Variants in LARGE1 observed in about 807,000 individuals in gnomAD.
LARGE1 encodes xylosyl- and glucuronyltransferase LARGE1.
In LARGE1, 43 loss-of-function variants were observed where a neutral mutation model predicts 87.6. That is an observed-to-expected ratio of 0.49 (90% CI 0.38 to 0.63). The LOEUF (loss-of-function observed/expected upper bound fraction) is 0.63, where lower values mean the gene tolerates loss of function less well. Ranked by LOEUF, LARGE1 falls within the 30% of genes least tolerant of loss-of-function variation. The pLI, the probability that LARGE1 is intolerant of heterozygous loss-of-function variation, is 0.00. For synonymous variants in LARGE1, 434 were observed against 394.6 expected (o/e 1.10, Z -1.18); for missense variants, 802 against 1,000.2 (o/e 0.80, Z 2.67).
intron 1 of LARGE1, among the ~76,000 whole-genome samples, chr22:33,843,748 TA>T (rs1306032816): frequency 1.3e-5 from 2 of 152,072 alleles, no homozygotes; most frequent in Admixed American, 1.3e-4. Context: ...AAAATGGCCG[TA>T]AGAGAATATA....
the LARGE1 span, among the ~76,000 whole-genome samples, chr22:33,135,997 A>G: frequency 6.6e-6 from 1 of 152,226 alleles, no homozygotes; most frequent in East Asian, 1.9e-4. Flanking sequence ...TTGAAGTTTC[A>G]TAATAGTCCT....
At chr22:33,739,459 T>C (rs1391234468) in intron 2 of LARGE1, among the ~76,000 whole-genome samples, 1 of 152,248 alleles carries the variant, frequency 6.6e-6, no homozygotes, top group Non-Finnish European at 1.5e-5. Context: ...GCTGCGGTAC[T>C]GTCCTGGTCT....
the LARGE1 span, among the ~76,000 whole-genome samples, chr22:33,152,793 A>G: frequency 6.6e-6 from 1 of 152,098 alleles, no homozygotes. Flanking sequence ...TGGCTTTCAT[A>G]TTACACATAT....
At chr22:33,572,396 C>G in intron 5 of LARGE1, 1 of 287,196 alleles carries the variant, frequency 3.5e-6, no homozygotes, top group Non-Finnish European at 6.8e-6. Context: ...TGAGCACGAG[C>G]TTTGGAGTCT....
chr22:33,641,906 T>C (rs777610097), intron 3 of LARGE1, among the ~76,000 whole-genome samples: 3 of 152,202 alleles, frequency 2.0e-5, no homozygotes, highest in Non-Finnish European at 2.9e-5. Flanking sequence ...CTACATTTTA[T>C]TGGTGTACCT....
intron 10 of LARGE1, among the ~76,000 whole-genome samples, chr22:33,328,503 C>G (rs534642783): frequency 1.3e-5 from 2 of 151,792 alleles, no homozygotes; most frequent in Non-Finnish European, 2.9e-5. Context: ...TGCTTGAACC[C>G]GGGAGGCGGA....
chr22:33,615,671 CAAAAAA>C (rs3072281), intron 4 of LARGE1, among the ~76,000 whole-genome samples: 1 of 134,574 alleles, frequency 7.4e-6, no homozygotes, highest in East Asian at 2.2e-4. Context: ...TAAGGAAAAA[CAAAAAA>C]AAAAAAAAAA....
At chr22:33,186,509 A>G (rs137393) in intron 11 of LARGE1, among the ~76,000 whole-genome samples, 1 of 151,876 alleles carries the variant, frequency 6.6e-6, no homozygotes, top group African/African-American at 2.4e-5. Context: ...CTGAAAAAAA[A>G]GTCACATGCA....
intron 1 of LARGE1, among the ~76,000 whole-genome samples, chr22:33,768,171 T>C (rs1312814776): frequency 1.3e-5 from 2 of 152,044 alleles, no homozygotes; most frequent in Non-Finnish European, 2.9e-5. Flanking sequence ...TAGCCAGGCG[T>C]GGTGGCAGGT....
At chr22:33,812,729 T>G (rs759815657) in intron 1 of LARGE1, among the ~76,000 whole-genome samples, 4 of 152,220 alleles carry the variant, frequency 2.6e-5, no homozygotes, top group Admixed American at 6.5e-5. Context: ...CAGTCAAGCC[T>G]CAACAGCTGT....
chr22:33,174,260 A>T (rs780507590), intron 11 of LARGE1, among the ~76,000 whole-genome samples: 5 of 152,102 alleles, frequency 3.3e-5, no homozygotes, highest in Non-Finnish European at 7.4e-5. Context: ...ATAATGAAAT[A>T]AAGGCAGAAA....
At chr22:33,117,136 T>C in the LARGE1 span, among the ~76,000 whole-genome samples, 1 of 151,628 alleles carries the variant, frequency 6.6e-6, no homozygotes, top group Non-Finnish European at 1.5e-5. Flanking sequence ...GCAGTGATTC[T>C]CTGTCTATCA....
At chr22:33,856,491 T>C (rs895737911) in intron 1 of LARGE1, among the ~76,000 whole-genome samples, 2 of 152,140 alleles carry the variant, frequency 1.3e-5, no homozygotes, top group Non-Finnish European at 2.9e-5. Context: ...CCACCAGAAC[T>C]GGGAATTAGA....
chr22:33,150,387 G>A, the LARGE1 span, among the ~76,000 whole-genome samples: 1 of 152,048 alleles, frequency 6.6e-6, no homozygotes, highest in Non-Finnish European at 1.5e-5. Context: ...TCAGTGGTTG[G>A]CTCTCTGTGG....
upstream of LARGE1, among the ~76,000 whole-genome samples, chr22:33,921,987 G>A (rs1468144415): frequency 6.6e-6 from 1 of 152,028 alleles, no homozygotes; most frequent in Non-Finnish European, 1.5e-5. The surrounding 1 kb of genome is among the most constrained non-coding windows in gnomAD (Gnocchi z 4.1). Flanking sequence ...TCGGAGACCG[G>A]AGCTCCGGGC....
At chr22:33,520,525 C>A (rs566360856) in intron 6 of LARGE1, among the ~76,000 whole-genome samples, 1 of 152,226 alleles carries the variant, frequency 6.6e-6, no homozygotes, top group Non-Finnish European at 1.5e-5. Context: ...CAGTGCTGAG[C>A]TGGGCCATCT....
At chr22:33,635,402 G>A (rs941261777) in intron 3 of LARGE1, among the ~76,000 whole-genome samples, 1 of 152,104 alleles carries the variant, frequency 6.6e-6, no homozygotes, top group Non-Finnish European at 1.5e-5. Context: ...TCATTCACTG[G>A]CTCTGAGTCT....
intron 1 of LARGE1, among the ~76,000 whole-genome samples, chr22:33,781,614 G>C (rs2085423108): frequency 6.6e-6 from 1 of 152,184 alleles, no homozygotes; most frequent in Non-Finnish European, 1.5e-5. Context: ...TGATCACTTA[G>C]GACAATTCAC....
chr22:33,173,997 G>C (rs1922722832), intron 11 of LARGE1, among the ~76,000 whole-genome samples: 1 of 152,142 alleles, frequency 6.6e-6, no homozygotes, highest in South Asian at 2.1e-4. Flanking sequence ...GGACCTAATA[G>C]ACATCTAGAC....
Sources: gnomAD v4.1 joint callset for allele counts (sites outside exome capture counted in the v4.1 genomes callset) on GRCh38, gnomAD v4.1.1 for gene constraint, Gnocchi (gnomAD v3.1) non-coding constraint, MANE v1.5 for transcripts, NCBI Gene and HGNC (gene_info 2026-07-23, HGNC 2026-07-21) for gene names.